Variants in CCDC178 observed in about 807,000 individuals in gnomAD.
The protein encoded by CCDC178 is coiled-coil domain containing 178, also known as coiled-coil domain-containing protein 178.
In CCDC178, 126 loss-of-function variants were observed where a neutral mutation model predicts 117.4. That is an observed-to-expected ratio of 1.07 (90% CI 0.93 to 1.24). The LOEUF is 1.24. Ranked by LOEUF, CCDC178 falls within the 50% of genes most tolerant of loss-of-function variation. The pLI, the probability that CCDC178 is intolerant of heterozygous loss-of-function variation, is 0.00. For missense variants in CCDC178, 1,030 were observed against 986.9 expected (o/e 1.04, Z -0.59); for synonymous variants, 283 against 313.4 (o/e 0.90, Z 1.02).
intron 21 of CCDC178, among the ~76,000 whole-genome samples, chr18:32,988,230 G>T (rs954377362): frequency 6.6e-6 from 1 of 151,956 alleles, no homozygotes; most frequent in Non-Finnish European, 1.5e-5. Flanking sequence ...GAGGTCAGGG[G>T]TTCAAGACCA....
At chr18:33,169,122 G>A (rs1230767830) in intron 20 of CCDC178, among the ~76,000 whole-genome samples, 6 of 152,142 alleles carry the variant, frequency 3.9e-5, no homozygotes, top group Non-Finnish European at 5.9e-5. Context: ...AAAACTGCAG[G>A]TAAGTTACGG....
At position 33,015,743 on chromosome 18, in the gene CCDC178, G is replaced by T. The variant is rs1400247039; in HGVS notation, c.2389-41062C>A. Among the ~76,000 whole-genome samples, 3 of 151,784 alleles carry T rather than the reference G, an allele frequency of 2.0e-5. No homozygotes were observed. The East Asian group carries it at 5.8e-4, about 29-fold the overall frequency. On this transcript the variant is annotated intron_variant, in intron 21 of 22. Transcript: ENST00000383096. ...AAGAACCAAAGAAATCTAACTTAAA[G>T]AACTGAAGGAATTATATGTATGGTG...
intron 2 of CCDC178, among the ~76,000 whole-genome samples, chr18:33,430,185 T>C (rs1423247134): frequency 6.6e-6 from 1 of 152,228 alleles, no homozygotes; most frequent in East Asian, 1.9e-4. Context: ...AGTAAGCCTC[T>C]GACAGCTTCT....
At chr18:33,056,079 G>A (rs919631177) in intron 21 of CCDC178, among the ~76,000 whole-genome samples, 5 of 152,154 alleles carry the variant, frequency 3.3e-5, no homozygotes, top group South Asian at 2.1e-4. Flanking sequence ...CTGTGATTAC[G>A]GTGTGAGCCA....
intron 12 of CCDC178, among the ~76,000 whole-genome samples, chr18:33,269,974 G>T (rs1357657794): frequency 5.3e-5 from 8 of 151,360 alleles, no homozygotes; most frequent in African/African-American, 1.7e-4. Flanking sequence ...GGATCTAAAG[G>T]ACTAAAACAA....
At chr18:33,202,765 A>G (rs2059007308) in intron 20 of CCDC178, among the ~76,000 whole-genome samples, 1 of 152,164 alleles carries the variant, frequency 6.6e-6, no homozygotes, top group African/African-American at 2.4e-5. Flanking sequence ...TACACTCCAC[A>G]AAAAGTTTTC....
intron 12 of CCDC178, among the ~76,000 whole-genome samples, chr18:33,275,424 T>G (rs2059936363): frequency 6.7e-6 from 1 of 150,050 alleles, no homozygotes; most frequent in Admixed American, 6.6e-5. Context: ...TAATATTGTT[T>G]GCAGTAGTTA....
At chr18:33,376,689 G>T (rs1263517835) in intron 5 of CCDC178, among the ~76,000 whole-genome samples, 1 of 152,132 alleles carries the variant, frequency 6.6e-6, no homozygotes, top group Non-Finnish European at 1.5e-5. Context: ...ACTTATAAGT[G>T]AGAACGTGAA....
At chr18:33,231,712 G>T (rs2059370769) in intron 15 of CCDC178, among the ~76,000 whole-genome samples, 1 of 152,160 alleles carries the variant, frequency 6.6e-6, no homozygotes, top group Admixed American at 6.5e-5. Flanking sequence ...TTCTCCTGCA[G>T]AACTGCCACC....
intron 18 of CCDC178, 30 bp from the exon 19 acceptor site, chr18:33,215,725 T>TAAAA: frequency 7.0e-7 from 1 of 1,423,150 alleles, no homozygotes; most frequent in Non-Finnish European, 9.4e-7. Context: ...AGTGTTTATT[T>TAAAA]TAAATACTTG....
At chr18:33,087,702 G>T (rs2057401441) in intron 21 of CCDC178, among the ~76,000 whole-genome samples, 1 of 151,924 alleles carries the variant, frequency 6.6e-6, no homozygotes, top group African/African-American at 2.4e-5. Context: ...TTATGGTTTT[G>T]CTATGAAAGA....
At chr18:33,161,727 G>A (rs1350323982) in intron 20 of CCDC178, among the ~76,000 whole-genome samples, 1 of 152,010 alleles carries the variant, frequency 6.6e-6, no homozygotes, top group Non-Finnish European at 1.5e-5. Flanking sequence ...CTTCATCCAT[G>A]TCCCTACACA....
At chr18:33,028,070 G>T (rs976044524) in intron 21 of CCDC178, among the ~76,000 whole-genome samples, 18 of 151,560 alleles carry the variant, frequency 1.2e-4, no homozygotes, top group Admixed American at 1.1e-3. Flanking sequence ...TCTAAATTTC[G>T]ATTTAAAGAA....
intron 11 of CCDC178, among the ~76,000 whole-genome samples, chr18:33,322,215 A>T (rs904311448): frequency 1.3e-4 from 19 of 151,480 alleles, no homozygotes; most frequent in Admixed American, 3.9e-4. Context: ...CAGAAAAATT[A>T]AAAAAAAATT....
At chr18:32,959,335 ACT>A (rs771836400) in intron 22 of CCDC178, among the ~76,000 whole-genome samples, 4 of 152,020 alleles carry the variant, frequency 2.6e-5, no homozygotes, top group Non-Finnish European at 4.4e-5. Flanking sequence ...AACCTATGAG[ACT>A]CTGTTGGATT....
chr18:33,328,432 T>C (rs2145032720), intron 10 of CCDC178, among the ~76,000 whole-genome samples: 1 of 152,246 alleles, frequency 6.6e-6, no homozygotes, highest in Non-Finnish European at 1.5e-5. Flanking sequence ...AGTTGTATAG[T>C]TTAAGCTCTT....
At chr18:33,439,784 T>C (rs1047189785) in intron 2 of CCDC178, among the ~76,000 whole-genome samples, 178 bp downstream of exon 2, 4 of 152,138 alleles carry the variant, frequency 2.6e-5, no homozygotes, top group African/African-American at 4.8e-5. Context: ...TAAATAGGAG[T>C]GATAAGCTAC....
chr18:33,440,389 G>C (rs1029527392), intron 1 of CCDC178: 5 of 137,150 alleles, frequency 3.6e-5, no homozygotes, highest in African/African-American at 1.3e-4. Context: ...AGAACAGGGG[G>C]ACAAAACGAC....
At chr18:33,283,614 C>T (rs2060051895) in intron 12 of CCDC178, among the ~76,000 whole-genome samples, 1 of 152,074 alleles carries the variant, frequency 6.6e-6, no homozygotes, top group African/African-American at 2.4e-5. Context: ...CAAGAGCAAA[C>T]ACTTTTTAAA....
Sources: allele counts gnomAD v4.1 joint callset (sites outside exome capture counted in the v4.1 genomes callset), GRCh38; gene constraint gnomAD v4.1.1; transcripts MANE v1.5; gene names NCBI Gene and HGNC (gene_info 2026-07-23, HGNC 2026-07-21).